Variants in GABRR2 observed in about 807,000 individuals in gnomAD.
The protein encoded by GABRR2 is gamma-aminobutyric acid type A receptor subunit rho2.
In GABRR2, 36 loss-of-function variants were observed where a neutral mutation model predicts 47.0. The ratio of observed to expected loss-of-function variants is 0.77; its 90% CI spans 0.59 to 1.01. The LOEUF (loss-of-function observed/expected upper bound fraction) is 1.01, where lower values mean the gene tolerates loss of function less well. Among genes scored for constraint, GABRR2 ranks in the 50% least tolerant of loss-of-function variants. The probability of loss-of-function intolerance (pLI) is 0.00; values close to 1 mark genes in which losing one functional copy is unlikely to be tolerated. For missense variants in GABRR2, 587 were observed against 594.6 expected (o/e 0.99, Z 0.13); for synonymous variants, 204 against 227.5 (o/e 0.90, Z 0.93).
At chr6:89,294,837 G>A (rs1460168809) in intron 2 of GABRR2, among the ~76,000 whole-genome samples, 58 of 130,108 alleles carry the variant, frequency 4.5e-4, no homozygotes, top group African/African-American at 1.6e-3. Context: ...TCCCCTACCT[G>A]TGTCCAAGTG....
At chr6:89,284,093 T>C (rs1774296044) in intron 2 of GABRR2, among the ~76,000 whole-genome samples, 1 of 152,088 alleles carries the variant, frequency 6.6e-6, no homozygotes, top group East Asian at 1.9e-4. Flanking sequence ...TATGATTTCA[T>C]TTACATGCAG....
chr6:89,283,589 A>G (rs1230080829), intron 2 of GABRR2, among the ~76,000 whole-genome samples: 1 of 152,238 alleles, frequency 6.6e-6, no homozygotes, highest in East Asian at 1.9e-4. Context: ...GTATAGCACA[A>G]TCGTCTAGAA....
intron 1 of GABRR2, among the ~76,000 whole-genome samples, chr6:89,304,478 A>C (rs2127849079): frequency 6.6e-6 from 1 of 151,996 alleles, no homozygotes; most frequent in East Asian, 1.9e-4. Flanking sequence ...AATCCCAGCT[A>C]TTTGGGACAC....
intron 1 of GABRR2, among the ~76,000 whole-genome samples, chr6:89,304,597 G>GAA (rs1227062781): frequency 2.1e-5 from 2 of 94,668 alleles, no homozygotes; most frequent in African/African-American, 4.0e-5. Context: ...TCAAAAAAAA[G>GAA]AAAAAAAAAA....
At chr6:89,308,780 G>T (rs1390220487) in intron 1 of GABRR2, among the ~76,000 whole-genome samples, 1 of 152,162 alleles carries the variant, frequency 6.6e-6, no homozygotes, top group Admixed American at 6.5e-5. Context: ...TGGTCACACA[G>T]TTCCCCAATT....
At chr6:89,271,802 C>T (rs933480795) in intron 2 of GABRR2, 80 bp from the exon 3 acceptor site, 30 of 1,223,992 alleles carry the variant, frequency 2.5e-5, no homozygotes, top group Admixed American at 7.7e-5. Context: ...TGGCTTCCCC[C>T]GGGGAGCCAG....
At chr6:89,292,836 ACGATATATC>A (rs1774493512) in intron 2 of GABRR2, among the ~76,000 whole-genome samples, 1 of 116,320 alleles carries the variant, frequency 8.6e-6, no homozygotes, top group African/African-American at 3.3e-5. Flanking sequence ...TATCGTATAT[ACGATATATC>A]GTATATATCA....
intron 8 of GABRR2, among the ~76,000 whole-genome samples, chr6:89,260,288 T>A (rs928899708): frequency 1.3e-5 from 2 of 152,252 alleles, no homozygotes; most frequent in Admixed American, 1.3e-4. Flanking sequence ...GTTATTTATT[T>A]ATTTAAGGCA....
intron 8 of GABRR2, among the ~76,000 whole-genome samples, chr6:89,258,230 C>T (rs751893758): frequency 2.5e-4 from 38 of 152,210 alleles, no homozygotes; most frequent in Non-Finnish European, 4.9e-4. Context: ...CCAGGTGATT[C>T]TACTGTGTAG....
chr6:89,303,598 C>T (rs1402858259), intron 1 of GABRR2, among the ~76,000 whole-genome samples: 1 of 130,770 alleles, frequency 7.6e-6, no homozygotes, highest in Non-Finnish European at 1.6e-5. Context: ...TTTTAAAATT[C>T]ATCTGGAATC....
rs367792893 is a variant in GABRR2, at chr6:89,271,803, G to A, written c.221-81C>T. ...GGAACAGCCCCAGTTGGCTTCCCCCGGGGAGCCAGGACTGGAGCAGAGTAG... is the reference window on the plus strand; with the variant it reads ...GGAACAGCCCCAGTTGGCTTCCCCCAGGGAGCCAGGACTGGAGCAGAGTAG... On this transcript the variant is annotated intron_variant, in intron 2 of 8. Transcript: ENST00000402938. 53 of 1,184,176 alleles carry A rather than the reference G, an allele frequency of 4.5e-5. 1 individual carries two copies. Among genetic ancestry groups the A allele is most frequent in the East Asian group, 3.0e-4 (12 of 39,528 alleles). The allele number at this position is 1,184,176 out of a possible 1,614,324, so 73.4% of individuals were successfully genotyped here. A position where few individuals can be genotyped will look rare whatever the true frequency, so the allele number is the denominator to read the frequency against.
chr6:89,307,418 T>C (rs1343660352), intron 1 of GABRR2, among the ~76,000 whole-genome samples: 2 of 152,230 alleles, frequency 1.3e-5, no homozygotes, highest in Non-Finnish European at 2.9e-5. Flanking sequence ...TATAATCACC[T>C]GGGGAGATAT....
In GABRR2 at chr6:89,289,189, C is replaced by T. The variant is rs143891187; in HGVS notation, c.220+10570G>A. Among the ~76,000 whole-genome samples, 330 of 152,214 alleles carry T rather than the reference C, an allele frequency of 2.2e-3. 1 individual carries two copies. The highest frequency in any genetic ancestry group is 3.5e-3 in the Non-Finnish European group (236 of 68,004). ...CAGAAAGAAGCACAGATGTGCAGGGCCAGAGAGCATGCTAGGAGAGAAGAG... is the reference window on the plus strand; with the variant it reads ...CAGAAAGAAGCACAGATGTGCAGGGTCAGAGAGCATGCTAGGAGAGAAGAG... On this transcript the variant is annotated intron_variant, in intron 2 of 8. Transcript: ENST00000402938.
At chr6:89,270,184 C>G (rs2127833973) in intron 3 of GABRR2, among the ~76,000 whole-genome samples, 1 of 152,322 alleles carries the variant, frequency 6.6e-6, no homozygotes, top group Middle Eastern at 3.4e-3. Flanking sequence ...TAGGAAGAGA[C>G]CAGCCAAATG....
At chr6:89,296,834 G>T (rs535396446) in intron 2 of GABRR2, among the ~76,000 whole-genome samples, 115 of 152,364 alleles carry the variant, frequency 7.5e-4, no homozygotes, top group African/African-American at 2.6e-3. Flanking sequence ...CCAAGAGCTA[G>T]CTCCTGGTGG....
chr6:89,278,760 C>T (rs1774209373), intron 2 of GABRR2, among the ~76,000 whole-genome samples: 1 of 152,230 alleles, frequency 6.6e-6, no homozygotes, highest in Admixed American at 6.5e-5. Flanking sequence ...AACACCAGAA[C>T]CCCCAACTCC....
In GABRR2 at chr6:89,286,460, A is replaced by G. The variant is rs529571367; in HGVS notation, c.220+13299T>C. Among the ~76,000 whole-genome samples the G allele has an allele frequency of 2.6e-5, 4 of 152,336 alleles. No individual in the cohort carries two copies. In the East Asian group the frequency reaches 7.7e-4, roughly 29 times the overall value. ...TAACTATGTGAGGTGATACATTTAT[A>G]AGCTTGTTTGTGGTGATTTTATAAT... On this transcript the variant is annotated intron_variant, in intron 2 of 8. Transcript: ENST00000402938.
rs188424932 is a variant in GABRR2, at chr6:89,269,227, G to A, written c.296C>T (p.Thr99Ile). The A allele has an allele frequency of 3.0e-5, 48 of 1,613,840 alleles. No homozygotes were observed. The East Asian group carries it at 9.6e-4, about 32-fold the overall frequency. ...GTAATGCCGCAGGTACAGGGTCATA[G>A]TGAAGTCCTGTGGGAGCCGGGGTGA... ...DSISEVDMDF[T>I]MTLYLRHYWK... Residue 99 changes from threonine (T) to isoleucine (I), a missense_variant, in exon 4 of 9, where the codon ACT becomes ATT. Transcript: ENST00000402938.
intron 1 of GABRR2, chr6:89,302,991 G>T: frequency 7.7e-7 from 1 of 1,296,916 alleles, no homozygotes; most frequent in South Asian, 1.2e-5. Flanking sequence ...AGATCACCGA[G>T]GCCAAGAGCA....
Sources: gnomAD v4.1 joint callset for allele counts (sites outside exome capture counted in the v4.1 genomes callset) on GRCh38, gnomAD v4.1.1 for gene constraint, MANE v1.5 for transcripts, NCBI Gene and HGNC (gene_info 2026-07-23, HGNC 2026-07-21) for gene names.